Variants in NBPF8 observed in about 807,000 individuals in gnomAD.
NBPF8 encodes the protein NBPF family member NBPF8.
chr1:120,454,728 T>TTTTTTTC (rs1661387243), intron 15 of NBPF8, among the ~76,000 whole-genome samples: 1 of 84,798 alleles, frequency 1.2e-5, no homozygotes. Flanking sequence ...TTTTTTTTTT[T>TTTTTTTC]TTTTGCGATG....
chr1:120,431,383 T>TCTCC (rs1342051137), upstream of NBPF8, among the ~76,000 whole-genome samples: 9 of 70,964 alleles, frequency 1.3e-4, no homozygotes, highest in African/African-American at 5.5e-4. Flanking sequence ...TATATATATA[T>TCTCC]ATATATATAT....
chr1:120,415,812 C>T (rs1660421167), upstream of NBPF8, among the ~76,000 whole-genome samples: 2 of 152,000 alleles, frequency 1.3e-5, no homozygotes, highest in South Asian at 4.1e-4. Flanking sequence ...TAATTCACCG[C>T]AGGATTTCCG....
At chr1:120,452,569 C>T (rs1443514211) in intron 13 of NBPF8, among the ~76,000 whole-genome samples, 1 of 152,106 alleles carries the variant, frequency 6.6e-6, no homozygotes, top group African/African-American at 2.4e-5. Flanking sequence ...GAGCAAGAGG[C>T]AGCATCTGTC....
At chr1:120,420,900 G>C (rs1203471599) in intron 1 of NBPF8, among the ~76,000 whole-genome samples, 4 of 147,158 alleles carry the variant, frequency 2.7e-5, no homozygotes, top group East Asian at 3.9e-4. Flanking sequence ...AAAGAAAGGG[G>C]CATGGCCTGT....
At chr1:120,464,664 C>T (rs1171533698) in intron 23 of NBPF8, 116 bp downstream of exon 21, 1 of 626,918 alleles carries the variant, frequency 1.6e-6, no homozygotes, top group Non-Finnish European at 2.8e-6. Flanking sequence ...CAGGGAGGAC[C>T]TATAGGCACA....
chr1:120,432,948 G>A (rs1660923700), upstream of NBPF8: 4 of 151,846 alleles, frequency 2.6e-5, no homozygotes, highest in Non-Finnish European at 5.9e-5. Flanking sequence ...CTAGCAATTA[G>A]CAGCTAGAAA....
At chr1:120,469,651 T>C (rs1184447983), downstream of NBPF8, among the ~76,000 whole-genome samples, 2 of 151,886 alleles carry the variant, frequency 1.3e-5, no homozygotes, top group Non-Finnish European at 2.9e-5. Context: ...TTTGTGTTTA[T>C]TGATAATAAA....
intron 3 of NBPF8, among the ~76,000 whole-genome samples, chr1:120,430,875 G>C (rs1225073456): frequency 6.6e-6 from 1 of 151,156 alleles, no homozygotes; most frequent in Non-Finnish European, 1.5e-5. Context: ...GATAAACCTT[G>C]TCATGGATCA....
intron 20 of NBPF8, 85 bp downstream of exon 18, chr1:120,462,282 T>G: frequency 1.5e-6 from 1 of 676,970 alleles, no homozygotes; most frequent in Non-Finnish European, 2.6e-6. Flanking sequence ...GTGTTCAATT[T>G]CATGTTTTCA....
exon 15 of NBPF8, chr1:120,454,044 C>T: frequency 6.2e-7 from 1 of 1,613,158 alleles, no homozygotes; most frequent in South Asian, 1.1e-5. Flanking sequence ...TTGAGGAAGA[C>T]AAAGTCGACT....
chr1:120,451,997 G>C (rs1661288317), intron 12 of NBPF8, 120 bp from the exon 11 acceptor site: 3 of 1,108,646 alleles, frequency 2.7e-6, no homozygotes, highest in African/African-American at 1.5e-5. Flanking sequence ...CTTTCAACAT[G>C]TGCTGACCTT....
At chr1:120,464,739 A>G (rs1414598506) in intron 23 of NBPF8, among the ~76,000 whole-genome samples, 191 bp downstream of exon 21, 4 of 141,164 alleles carry the variant, frequency 2.8e-5, no homozygotes. Context: ...AGTGAGCAAG[A>G]CTCTCTTCCT....
At chr1:120,462,101 G>C in intron 19 of NBPF8, 45 bp from the exon 18 acceptor site, 1 of 307,694 alleles carries the variant, frequency 3.2e-6, no homozygotes, top group Non-Finnish European at 5.7e-6. Flanking sequence ...TATGTGTGTA[G>C]GAGAACCAGC....
intron 1 of NBPF8, among the ~76,000 whole-genome samples, chr1:120,424,124 G>T (rs1202754536): frequency 1.3e-5 from 2 of 152,028 alleles, no homozygotes; most frequent in Non-Finnish European, 2.9e-5. Flanking sequence ...CCCATGACTG[G>T]GTCTGAATAA....
upstream of NBPF8, chr1:120,433,038 A>G (rs1206854861): frequency 4.6e-5 from 7 of 152,204 alleles, no homozygotes; most frequent in Non-Finnish European, 7.3e-5. Context: ...AAGCAGGTAC[A>G]AGGCCCCTAA....
intron 18 of NBPF8, among the ~76,000 whole-genome samples, chr1:120,460,913 G>C (rs1362696577): frequency 2.0e-5 from 3 of 151,814 alleles, no homozygotes; most frequent in African/African-American, 7.3e-5. Context: ...TTGAGGACAG[G>C]CTTTTCATGA....
At chr1:120,433,551 G>C (rs1217826015), upstream of NBPF8, 6 of 156,954 alleles carry the variant, frequency 3.8e-5, no homozygotes, top group Non-Finnish European at 5.8e-5. Flanking sequence ...GCAGCAATAA[G>C]GTGTGTGGAG....
rs1553248906 is a variant in NBPF8, at chr1:120,452,066, G to C, written n.2075-51G>C. 6.4e-6 allele frequency: 9 copies of C among 1,410,650 alleles called. No homozygotes were observed. The South Asian group carries it at 1.0e-4, about 16-fold the overall frequency. The allele number at this position is 1,410,650 out of a possible 1,614,324, so 87.4% of individuals were successfully genotyped here. Reference sequence around the variant, plus strand: ...GAAGTCTCTGTTGCAATATTTGAGCGGATCACTCAACCCTTTCCACTCTTA... The same window carrying C: ...GAAGTCTCTGTTGCAATATTTGAGCCGATCACTCAACCCTTTCCACTCTTA... On this transcript the variant is annotated intron_variant and non_coding_transcript_variant, in intron 12 of 24. Transcript: ENST00000583271.
chr1:120,418,493 C>A (rs1239370272), upstream of NBPF8, among the ~76,000 whole-genome samples: 3 of 148,484 alleles, frequency 2.0e-5, no homozygotes, highest in South Asian at 6.4e-4. Flanking sequence ...TTTAAAGGGC[C>A]GACGTGATAT....
Sources: allele counts gnomAD v4.1 joint callset (sites outside exome capture counted in the v4.1 genomes callset), GRCh38; gene constraint gnomAD v4.1.1; transcripts MANE v1.5; gene names NCBI Gene and HGNC (gene_info 2026-07-23, HGNC 2026-07-21).